The following RBFOX1 variants were observed in gnomAD, a reference collection of about 807,000 sequenced individuals.
RBFOX1 encodes the protein RNA binding fox-1 homolog 1.
In RBFOX1, 8 loss-of-function variants were observed where a neutral mutation model predicts 57.7. That is an observed-to-expected ratio of 0.14 (90% CI 0.08 to 0.25). The LOEUF is 0.25. Among genes scored for constraint, RBFOX1 ranks in the 10% least tolerant of loss-of-function variants. The probability of loss-of-function intolerance (pLI) is 1.00; values close to 1 mark genes in which losing one functional copy is unlikely to be tolerated. For synonymous variants in RBFOX1, 326 were observed against 222.4 expected, an observed-to-expected ratio of 1.47 and a Z score of -4.15; for missense variants, 611 against 548.5, an observed-to-expected ratio of 1.11 and a Z score of -1.14.
chr16:5,449,286 C>T (rs566124728), intron 1 of RBFOX1, among the ~76,000 whole-genome samples: 3 of 152,334 alleles, frequency 2.0e-5, no homozygotes, highest in South Asian at 2.1e-4. Context: ...TCCCTAATGA[C>T]GCCTACTTAT....
At chr16:7,080,462 T>A (rs1250287947) in intron 4 of RBFOX1, among the ~76,000 whole-genome samples, 1 of 152,212 alleles carries the variant, frequency 6.6e-6, no homozygotes, top group Non-Finnish European at 1.5e-5. Flanking sequence ...TGAATACATG[T>A]AACAGAGCCT....
chr16:5,672,068 G>T (rs1484807394), intron 3 of RBFOX1, among the ~76,000 whole-genome samples: 3 of 152,162 alleles, frequency 2.0e-5, no homozygotes, highest in African/African-American at 4.8e-5. Context: ...CAACTTTCTT[G>T]GACTTGCCTG....
chr16:6,198,496 C>T (rs2097194882), intron 1 of RBFOX1, among the ~76,000 whole-genome samples: 1 of 152,098 alleles, frequency 6.6e-6, no homozygotes, highest in Non-Finnish European at 1.5e-5. Flanking sequence ...AATGCTTTTG[C>T]GATGAGTTAT....
intron 2 of RBFOX1, among the ~76,000 whole-genome samples, chr16:6,484,212 G>A (rs1420077): frequency 0.54 from 81,874 of 151,818 alleles, 22,311 homozygotes; most frequent in East Asian, 0.68. Flanking sequence ...GCGCGGCTCT[G>A]GAAATGAGAG....
intron 1 of RBFOX1, among the ~76,000 whole-genome samples, chr16:6,253,147 A>G (rs1218065882): frequency 1.3e-5 from 2 of 152,154 alleles, no homozygotes; most frequent in African/African-American, 4.8e-5. Context: ...ATGAATGGCA[A>G]AGCTTGGATT....
intron 3 of RBFOX1, among the ~76,000 whole-genome samples, chr16:5,713,776 G>C (rs2051581781): frequency 6.6e-6 from 1 of 152,144 alleles, no homozygotes; most frequent in Admixed American, 6.5e-5. Context: ...TGGAACATTG[G>C]CTTGATTTTG....
intron 2 of RBFOX1, among the ~76,000 whole-genome samples, chr16:6,565,944 C>T (rs927332884): frequency 1.3e-5 from 2 of 152,056 alleles, no homozygotes; most frequent in Non-Finnish European, 2.9e-5. Context: ...TGTTTTTTTC[C>T]TCACATATTT....
At chr16:5,817,361 G>A (rs1024977684) in intron 3 of RBFOX1, among the ~76,000 whole-genome samples, 3 of 152,174 alleles carry the variant, frequency 2.0e-5, no homozygotes, top group East Asian at 1.9e-4. Flanking sequence ...GATGGATAAC[G>A]GAACTCTCAC....
At chr16:6,008,850 G>T (rs988383570) in intron 4 of RBFOX1, among the ~76,000 whole-genome samples, 1 of 152,172 alleles carries the variant, frequency 6.6e-6, no homozygotes, top group Non-Finnish European at 1.5e-5. Context: ...TTGCTTAATT[G>T]CCTTACGGAA....
chr16:7,297,091 G>A (rs1302876438), intron 4 of RBFOX1, among the ~76,000 whole-genome samples: 1 of 152,172 alleles, frequency 6.6e-6, no homozygotes, highest in Non-Finnish European at 1.5e-5. Context: ...GGAGAGACAA[G>A]GCTCAAGGGT....
chr16:7,355,329 C>G (rs949535711), intron 4 of RBFOX1, among the ~76,000 whole-genome samples: 8 of 152,272 alleles, frequency 5.3e-5, no homozygotes, highest in Admixed American at 5.2e-4. Context: ...TTTATCATGA[C>G]CGTATTTTCT....
At chr16:6,969,446 A>G (rs556177934) in intron 3 of RBFOX1, among the ~76,000 whole-genome samples, 4 of 152,098 alleles carry the variant, frequency 2.6e-5, no homozygotes, top group South Asian at 2.1e-4. Flanking sequence ...TTACATTCAA[A>G]TAAGGTGGCC....
chr16:6,148,767 G>T (rs942079645), intron 1 of RBFOX1, among the ~76,000 whole-genome samples: 1 of 152,192 alleles, frequency 6.6e-6, no homozygotes, highest in African/African-American at 2.4e-5. Context: ...GAGAAAGATT[G>T]CCTATCAATT....
chr16:6,329,554 T>C (rs2082761038), intron 2 of RBFOX1, among the ~76,000 whole-genome samples: 1 of 152,202 alleles, frequency 6.6e-6, no homozygotes, highest in South Asian at 2.1e-4. Flanking sequence ...GGCGATTGTC[T>C]TCATCAGGAG....
intron 3 of RBFOX1, among the ~76,000 whole-genome samples, chr16:5,826,952 G>T (rs939250973): frequency 6.6e-6 from 1 of 152,202 alleles, no homozygotes; most frequent in African/African-American, 2.4e-5. Context: ...CCAGAAAACA[G>T]TTGTGTAGCT....
chr16:6,863,334 A>C (rs536388650), intron 3 of RBFOX1, among the ~76,000 whole-genome samples: 1 of 152,186 alleles, frequency 6.6e-6, no homozygotes, highest in Non-Finnish European at 1.5e-5. Context: ...TAGAGACAAA[A>C]CGTGGCTCAC....
At chr16:7,426,648 G>A (rs559832967) in intron 4 of RBFOX1, among the ~76,000 whole-genome samples, 4 of 152,196 alleles carry the variant, frequency 2.6e-5, no homozygotes, top group Non-Finnish European at 5.9e-5. Flanking sequence ...CTTGGTCTTG[G>A]AGGTTGTGGG....
chr16:5,579,435 C>T (rs2046585837), intron 2 of RBFOX1, among the ~76,000 whole-genome samples: 1 of 152,132 alleles, frequency 6.6e-6, no homozygotes, highest in Admixed American at 6.5e-5. Flanking sequence ...TTACTGTGCT[C>T]CCCGCATCCA....
intron 2 of RBFOX1, among the ~76,000 whole-genome samples, chr16:6,472,239 C>A (rs775514738): frequency 2.6e-5 from 4 of 152,176 alleles, no homozygotes; most frequent in African/African-American, 9.7e-5. Flanking sequence ...CCGATGAAGG[C>A]CAGGCTGTGA....
Sources: allele counts gnomAD v4.1 joint callset (sites outside exome capture counted in the v4.1 genomes callset), GRCh38; gene constraint gnomAD v4.1.1; transcripts MANE v1.5; gene names NCBI Gene and HGNC (gene_info 2026-07-23, HGNC 2026-07-21).